The following C1orf21 variants were observed in gnomAD, a reference collection of about 807,000 sequenced individuals.
The protein encoded by C1orf21 is uncharacterized protein C1orf21.
C1orf21 carries 3 observed loss-of-function variants against 18.7 expected under a neutral mutation model. The observed-to-expected ratio is 0.16, with a 90% CI of 0.07 to 0.42. The LOEUF (loss-of-function observed/expected upper bound fraction) is 0.42. Among genes scored for constraint, C1orf21 ranks in the 10% least tolerant of loss-of-function variants. C1orf21 has a pLI of 0.99. For missense variants in C1orf21, 104 were observed against 143.6 expected (o/e 0.72, Z 1.41); for synonymous variants, 41 against 46.4 (o/e 0.88, Z 0.47).
intron 1 of C1orf21, among the ~76,000 whole-genome samples, chr1:184,392,012 A>G (rs796523227): frequency 1.3e-5 from 2 of 152,080 alleles, no homozygotes; most frequent in South Asian, 2.1e-4. Context: ...CCGGCCCCCA[A>G]ATTACAAGAA....
At chr1:184,406,241 T>C (rs1418186373) in intron 1 of C1orf21, among the ~76,000 whole-genome samples, 1 of 152,136 alleles carries the variant, frequency 6.6e-6, no homozygotes, top group East Asian at 1.9e-4. Flanking sequence ...AATGAGTATA[T>C]CTAGAAATGA....
At chr1:184,582,262 C>A (rs551919060) in intron 3 of C1orf21, among the ~76,000 whole-genome samples, 29 of 152,204 alleles carry the variant, frequency 1.9e-4, no homozygotes, top group African/African-American at 5.8e-4. Context: ...GTTACTCCCC[C>A]AAAGCTAGCA....
intron 1 of C1orf21, among the ~76,000 whole-genome samples, chr1:184,465,814 A>C (rs576937088): frequency 1.3e-5 from 2 of 152,246 alleles, no homozygotes; most frequent in South Asian, 4.1e-4. Flanking sequence ...TGTGTCATCA[A>C]GTCACACCTT....
At chr1:184,532,711 C>T (rs904553586) in intron 3 of C1orf21, among the ~76,000 whole-genome samples, 28 of 152,186 alleles carry the variant, frequency 1.8e-4, no homozygotes, top group African/African-American at 6.8e-4. Context: ...TGTGCCACTG[C>T]ACTTCAGCCT....
intron 2 of C1orf21, among the ~76,000 whole-genome samples, chr1:184,497,169 G>A (rs959907242): frequency 6.6e-6 from 1 of 152,216 alleles, no homozygotes; most frequent in African/African-American, 2.4e-5. Flanking sequence ...TGAGCAGAAT[G>A]TGTTGCCAAA....
intron 1 of C1orf21, among the ~76,000 whole-genome samples, chr1:184,396,866 G>A (rs1656058171): frequency 1.3e-5 from 2 of 152,238 alleles, no homozygotes; most frequent in African/African-American, 4.8e-5. Context: ...ATGAAGGCAA[G>A]ACTGTATTTG....
chr1:184,612,015 A>T (rs1036436940), intron 5 of C1orf21, among the ~76,000 whole-genome samples: 1 of 150,934 alleles, frequency 6.6e-6, no homozygotes, highest in Non-Finnish European at 1.5e-5. Context: ...AAATAAAAAA[A>T]TTTATAATTT....
intron 1 of C1orf21, among the ~76,000 whole-genome samples, chr1:184,476,277 C>G (rs762722951): frequency 6.6e-6 from 1 of 151,778 alleles, no homozygotes; most frequent in African/African-American, 2.4e-5. Flanking sequence ...TGTTCATGGG[C>G]GGGGGGCAGT....
intron 3 of C1orf21, chr1:184,566,826 G>T: frequency 2.1e-6 from 1 of 479,584 alleles, no homozygotes; most frequent in South Asian, 1.7e-5. Flanking sequence ...ATTTTACAAA[G>T]ACTAGAGTCT....
intron 5 of C1orf21, among the ~76,000 whole-genome samples, chr1:184,605,147 A>G (rs1233638317): frequency 6.6e-6 from 1 of 152,168 alleles, no homozygotes; most frequent in Admixed American, 6.5e-5. Context: ...TCCCTTGACT[A>G]GTTCTCATTC....
At position 184,590,760 on chromosome 1, in the gene C1orf21, G is replaced by C. The variant is rs1347372829; in HGVS notation, c.211G>C (p.Val71Leu). 2 of 1,613,902 alleles carry C rather than the reference G, an allele frequency of 1.2e-6. No individual in the cohort carries two copies. The highest frequency in any genetic ancestry group is 1.7e-6 in the Non-Finnish European group (2 of 1,179,940). The change falls in exon 4 of 6, where the codon GTA becomes CTA. Residue 71 changes from valine (V) to leucine (L), a missense_variant. By Grantham distance (32) the Val-to-Leu change is conservative. Coordinates refer to ENST00000235307, the MANE Select transcript of C1orf21 (RefSeq NM_030806.4). ...ENLEKSASSNVRLKTNKEVPG... is the reference protein window; with the variant it reads ...ENLEKSASSNLRLKTNKEVPG... ...TCAGGAAAAAAGTGCCAGCTCAAAT[G>C]TAAGACTTAAAACTAATAAAGAGGT...
rs1283231628 is a variant in C1orf21, at chr1:184,410,647, ATATATATATATATATATTT to A, written c.-125+23281_-125+23299del. ...TATATATATATATATATATATATAT[ATATATATATATATATATTT>A]TTTTTTTTTTTTTTTGAGATGGAGT... is the stretch of plus-strand genomic sequence containing the variant. On this transcript the variant is annotated intron_variant, in intron 1 of 5. Coordinates refer to ENST00000235307, the MANE Select transcript of C1orf21 (RefSeq NM_030806.4). Among the ~76,000 whole-genome samples, 9 of 5,204 alleles carry A rather than the reference ATATATATATATATATATTT, an allele frequency of 1.7e-3. 2 individuals carry two copies. The Admixed American group carries it at 0.019, about 11-fold the overall frequency. 3.4% of individuals were successfully genotyped at this position (5,204 alleles called of 152,430 possible). A position where few individuals can be genotyped will look rare whatever the true frequency, so the allele number is the denominator to read the frequency against.
At position 184,449,164 on chromosome 1, in the gene C1orf21, A is replaced by AG. The variant is rs1349560588; in HGVS notation, c.-124-28222_-124-28221insG. Among the ~76,000 whole-genome samples the AG allele has an allele frequency of 1.9e-4, 29 of 152,052 alleles. No homozygotes were observed. The East Asian group carries it at 2.9e-3, about 15-fold the overall frequency. The stretch of plus-strand genomic sequence containing the variant: ...TGCTGCACCCATTAACTCGTCATTT[A>AG]CATTAGGTGTATCTCCTAATGCTAT... On this transcript the variant is annotated intron_variant, in intron 1 of 5. Transcript: ENST00000235307.
chr1:184,417,927 A>G (rs988527848), intron 1 of C1orf21, among the ~76,000 whole-genome samples: 1 of 152,192 alleles, frequency 6.6e-6, no homozygotes, highest in Non-Finnish European at 1.5e-5. Flanking sequence ...GGGGCAGCAG[A>G]ACTCTTTGCT....
chr1:184,492,181 A>T (rs1657826755), intron 2 of C1orf21, among the ~76,000 whole-genome samples: 1 of 152,250 alleles, frequency 6.6e-6, no homozygotes, highest in African/African-American at 2.4e-5. Context: ...CAGTGAGCCC[A>T]GTTTATAGAG....
chr1:184,586,089 T>G (rs1309277342), intron 3 of C1orf21, among the ~76,000 whole-genome samples: 1 of 152,168 alleles, frequency 6.6e-6, no homozygotes, highest in Admixed American at 6.5e-5. Flanking sequence ...CTACCAACAG[T>G]GTATAAGTCC....
chr1:184,603,529 T>A (rs1659611738), intron 5 of C1orf21, among the ~76,000 whole-genome samples: 1 of 152,244 alleles, frequency 6.6e-6, no homozygotes, highest in South Asian at 2.1e-4. Context: ...GTGCAGTGGC[T>A]CACGCCTATA....
chr1:184,427,663 G>T (rs1435299168), intron 1 of C1orf21, among the ~76,000 whole-genome samples: 2 of 152,130 alleles, frequency 1.3e-5, no homozygotes, highest in Admixed American at 6.5e-5. Flanking sequence ...CTGAGCAATA[G>T]GAAACTCCAC....
intron 1 of C1orf21, among the ~76,000 whole-genome samples, chr1:184,424,607 A>G (rs1461747691): frequency 6.6e-6 from 1 of 152,190 alleles, no homozygotes; most frequent in African/African-American, 2.4e-5. Flanking sequence ...CAACACTAAG[A>G]GAATGTGCCC....
Sources: allele counts gnomAD v4.1 joint callset (sites outside exome capture counted in the v4.1 genomes callset), GRCh38; gene constraint gnomAD v4.1.1; transcripts MANE v1.5; gene names NCBI Gene and HGNC (gene_info 2026-07-23, HGNC 2026-07-21).